The following ZFHX3 variants were observed in gnomAD, a reference collection of about 807,000 sequenced individuals.
ZFHX3 encodes zinc finger homeobox 3.
A neutral mutation model predicts 279.1 loss-of-function variants in ZFHX3; 42 were observed. The ratio of observed to expected loss-of-function variants is 0.15; its 90% CI spans 0.12 to 0.19. The LOEUF is 0.19. Among genes scored for constraint, ZFHX3 ranks in the 10% least tolerant of loss-of-function variants. The pLI is 1.00. For synonymous variants in ZFHX3, 2,293 were observed against 1,957.8 expected (o/e 1.17, Z -4.52); for missense variants, 4,981 against 4,754.0 (o/e 1.05, Z -1.40).
chr16:73,072,157 A>G (rs755214135), intron 8 of ZFHX3, among the ~76,000 whole-genome samples: 2 of 152,212 alleles, frequency 1.3e-5, no homozygotes, highest in Non-Finnish European at 2.9e-5. Context: ...TGGATAGAAA[A>G]TCAGAAATGT....
Position 72,810,875 on chromosome 16 carries a change from T to A in ZFHX3, c.3864+702A>T, listed in dbSNP as rs541419639. Among the ~76,000 whole-genome samples the A allele has an allele frequency of 1.9e-4, 29 of 151,900 alleles. 1 individual carries two copies. The highest frequency in any genetic ancestry group is 3.4e-3 in the Middle Eastern group (1 of 294). On this transcript the variant is annotated intron_variant, in intron 7 of 9. Coordinates refer to ENST00000268489, the MANE Select transcript of ZFHX3 (RefSeq NM_006885.4). ...TGCTGATGGGAATGTGTCAAAAAAATTTTTTTTTCTTTCTTTTTTTAAAGA... is the reference window on the plus strand; with the variant it reads ...TGCTGATGGGAATGTGTCAAAAAAAATTTTTTTTCTTTCTTTTTTTAAAGA...
At chr16:72,990,062 T>A (rs572854681) in intron 1 of ZFHX3, among the ~76,000 whole-genome samples, 1 of 152,164 alleles carries the variant, frequency 6.6e-6, no homozygotes, top group South Asian at 2.1e-4. Flanking sequence ...AGGTTTGGGT[T>A]TTTTTCCCCC....
chr16:73,478,346 C>G (rs926816822), intron 2 of ZFHX3, among the ~76,000 whole-genome samples: 3 of 152,050 alleles, frequency 2.0e-5, no homozygotes, highest in African/African-American at 4.8e-5. Flanking sequence ...ACCCTGGACC[C>G]TCAGATTAAA....
chr16:73,503,272 C>A (rs2019270331), intron 2 of ZFHX3, among the ~76,000 whole-genome samples: 2 of 152,162 alleles, frequency 1.3e-5, no homozygotes, highest in Admixed American at 1.3e-4. Flanking sequence ...ATGTCACGGC[C>A]ACTTAGGTAA....
chr16:73,632,338 C>T (rs756329718), intron 2 of ZFHX3, among the ~76,000 whole-genome samples: 1 of 152,102 alleles, frequency 6.6e-6, no homozygotes, highest in Non-Finnish European at 1.5e-5. Flanking sequence ...AAAACTTAAG[C>T]CCAAAGAGAT....
intron 2 of ZFHX3, among the ~76,000 whole-genome samples, chr16:73,669,856 C>A (rs1187742643): frequency 2.0e-5 from 3 of 152,164 alleles, no homozygotes; most frequent in Admixed American, 2.0e-4. Flanking sequence ...TTTTTTAAAT[C>A]TCAGAAAATC....
chr16:72,860,034 C>T (rs760132587), intron 4 of ZFHX3, among the ~76,000 whole-genome samples: 3 of 152,160 alleles, frequency 2.0e-5, no homozygotes, highest in African/African-American at 4.8e-5. Flanking sequence ...CCGTGCCCCT[C>T]GACATGGTGG....
At chr16:72,816,549 A>G (rs994796858) in intron 5 of ZFHX3, among the ~76,000 whole-genome samples, 3 of 152,192 alleles carry the variant, frequency 2.0e-5, no homozygotes, top group African/African-American at 7.2e-5. Flanking sequence ...GTGAGAAAGC[A>G]CTTGCTCTGC....
chr16:73,465,717 A>G (rs2018557446), intron 2 of ZFHX3, among the ~76,000 whole-genome samples: 1 of 152,168 alleles, frequency 6.6e-6, no homozygotes, highest in East Asian at 1.9e-4. Flanking sequence ...TACCTGGAAT[A>G]CAACTGCTTC....
rs753595993 is a variant in ZFHX3, at chr16:72,797,492, T to TTGCTGC, written c.5184_5189dup (p.Gln1740_Gln1741dup). On this transcript the variant is annotated inframe_insertion, in exon 9 of 10. Transcript: ENST00000268489. ...GTTGTTGTTGTTGTTGTTGTTGCTGTTGCTGCTGCTGTTGTTGCTGCTGCC... is the reference window on the plus strand; with the variant it reads ...GTTGTTGTTGTTGTTGTTGTTGCTGTTGCTGCTGCTGCTGCTGTTGTTGCTGCTGCC... 1 of 1,610,334 alleles carries TTGCTGC rather than the reference T, an allele frequency of 6.2e-7. No individual in the cohort carries two copies. Among genetic ancestry groups the TTGCTGC allele is most frequent in the East Asian group, 2.2e-5 (1 of 44,664 alleles).
chr16:72,946,198 T>C (rs1023933492), intron 3 of ZFHX3, among the ~76,000 whole-genome samples: 5 of 152,186 alleles, frequency 3.3e-5, no homozygotes, highest in African/African-American at 1.2e-4. Flanking sequence ...AATCTGGCCA[T>C]GTGCATGAAT....
chr16:73,085,272 T>G (rs1965998386), intron 8 of ZFHX3, among the ~76,000 whole-genome samples: 2 of 152,188 alleles, frequency 1.3e-5, no homozygotes, highest in Admixed American at 6.5e-5. Context: ...ATTATTATTG[T>G]TTTTTTGAGA....
chr16:73,240,650 G>A (rs2013093779), intron 5 of ZFHX3, among the ~76,000 whole-genome samples: 2 of 152,140 alleles, frequency 1.3e-5, no homozygotes, highest in Admixed American at 1.3e-4. Context: ...GACCTCAGCT[G>A]GGAACACACA....
rs1186752830 is a variant in ZFHX3 at position 72,958,078 on chromosome 16, T to A, written c.2068A>T (p.Met690Leu). 3 of 1,614,084 alleles carry A rather than the reference T, an allele frequency of 1.9e-6. No homozygotes were observed. Among genetic ancestry groups the A allele is most frequent in the Non-Finnish European group, 2.5e-6 (3 of 1,180,046 alleles). ...CCCGGCTCCGGGTGCTTCTCCTTCA[T>A]GTGTGCCTCCAGGGTCTGCTGGTAC... is the stretch of plus-strand genomic sequence containing the variant. ...YKYQQTLEAH[M>L]KEKHPEPGGS... Residue 690 changes from methionine (M) to leucine (L), a missense_variant, in exon 2 of 10, where the codon ATG becomes TTG. Around this residue, in one of 7 missense-constraint regions of ZFHX3, gnomAD observed 1,068 missense variants for 935.2 expected, o/e 1.14. Transcript: ENST00000268489.
intron 1 of ZFHX3, among the ~76,000 whole-genome samples, chr16:73,701,022 C>A (rs565596348): frequency 6.6e-6 from 1 of 152,222 alleles, no homozygotes; most frequent in South Asian, 2.1e-4. Context: ...TATTTCACAA[C>A]AGAATAACGA....
intron 2 of ZFHX3, among the ~76,000 whole-genome samples, chr16:73,581,127 AT>A (rs1164479458): frequency 1.3e-5 from 2 of 151,410 alleles, no homozygotes; most frequent in Admixed American, 6.6e-5. Flanking sequence ...TATTTTCTCA[AT>A]TTTTTTTAAC....
chr16:73,183,758 T>C (rs1443920144), intron 5 of ZFHX3, among the ~76,000 whole-genome samples: 1 of 152,174 alleles, frequency 6.6e-6, no homozygotes, highest in African/African-American at 2.4e-5. Flanking sequence ...GGGTGCGTCC[T>C]TATCTGTGAG....
chr16:72,932,219 T>C (rs1959852662), intron 3 of ZFHX3, among the ~76,000 whole-genome samples: 1 of 152,106 alleles, frequency 6.6e-6, no homozygotes, highest in Non-Finnish European at 1.5e-5. Context: ...AAGTCCTATT[T>C]AAAAAGAAAC....
At chr16:73,745,407 C>T (rs2053694662) in intron 1 of ZFHX3, among the ~76,000 whole-genome samples, 2 of 152,120 alleles carry the variant, frequency 1.3e-5, no homozygotes, top group South Asian at 4.1e-4. Context: ...ACTCATGGTC[C>T]TACAAGGAGC....
Sources: gnomAD v4.1 joint callset for allele counts (sites outside exome capture counted in the v4.1 genomes callset) on GRCh38, gnomAD v4.1.1 for gene constraint, gnomAD v4.1.1 regional missense constraint, MANE v1.5 for transcripts, NCBI Gene and HGNC (gene_info 2026-07-23, HGNC 2026-07-21) for gene names.